The following NLRC4 variants were observed in gnomAD, a reference collection of about 807,000 sequenced individuals.
NLRC4 encodes NLR family CARD domain-containing protein 4.
Under a neutral mutation model 79.9 loss-of-function variants are expected in NLRC4, and 63 were observed. The ratio of observed to expected loss-of-function variants is 0.79; its 90% CI spans 0.64 to 0.97. NLRC4 has a LOEUF of 0.97. Ranked by LOEUF, NLRC4 falls within the 50% of genes least tolerant of loss-of-function variation. The probability of loss-of-function intolerance (pLI) is 0.00; values close to 1 mark genes in which losing one functional copy is unlikely to be tolerated. For synonymous variants in NLRC4, 461 were observed against 456.5 expected (o/e 1.01, Z -0.12); for missense variants, 1,074 against 1,215.2 (o/e 0.88, Z 1.73).
In NLRC4 at chr2:32,251,604, A is replaced by G. The variant is rs751489263; in HGVS notation, c.263-3T>C. ...TTCTGATGTCTGATGAAAAAGACCT[A>G]TTAGAGAAGAGGTGATGTTAAAGAA... is the stretch of plus-strand genomic sequence containing the variant. On this transcript the variant is annotated splice_region_variant and splice_polypyrimidine_tract_variant and intron_variant, in intron 3 of 8. Coordinates refer to ENST00000402280, the MANE Select transcript of NLRC4 (RefSeq NM_001199138.2). The G allele has an allele frequency of 2.5e-6, 4 of 1,573,932 alleles. No individual in the cohort carries two copies. Among genetic ancestry groups the G allele is most frequent in the Admixed American group, 3.6e-5 (2 of 54,940 alleles).
intron 4 of NLRC4, among the ~76,000 whole-genome samples, chr2:32,246,330 T>C (rs192838830): frequency 1.1e-3 from 170 of 152,202 alleles, no homozygotes; most frequent in African/African-American, 3.9e-3. Context: ...GAGTAGATGG[T>C]GAGCTTCCTG....
intron 4 of NLRC4, among the ~76,000 whole-genome samples, chr2:32,241,539 G>A (rs537258477): frequency 4.0e-5 from 6 of 151,878 alleles, no homozygotes; most frequent in East Asian, 1.9e-4. Context: ...ACCACGCCCG[G>A]CTAATTTTTT....
At chr2:32,254,387 T>TCAA (rs1397792030) in intron 2 of NLRC4, among the ~76,000 whole-genome samples, 1 of 151,962 alleles carries the variant, frequency 6.6e-6, no homozygotes, top group Non-Finnish European at 1.5e-5. Flanking sequence ...GAGTATCACA[T>TCAA]CAAAACACTG....
At chr2:32,257,678 A>T (rs1449783303) in intron 1 of NLRC4, among the ~76,000 whole-genome samples, 1 of 149,966 alleles carries the variant, frequency 6.7e-6, no homozygotes, top group Non-Finnish European at 1.5e-5. Context: ...GGAGGTGGAG[A>T]TGAGGATGTA....
intron 4 of NLRC4, among the ~76,000 whole-genome samples, chr2:32,242,737 A>G (rs867746569): frequency 6.6e-6 from 1 of 152,216 alleles, no homozygotes; most frequent in South Asian, 2.1e-4. Context: ...TATGAAAACC[A>G]GAAAAAGACG....
At position 32,249,741 on chromosome 2, in the gene NLRC4, A is replaced by G. The variant is rs756174743; in HGVS notation, c.2123T>C (p.Leu708Pro). The change falls in exon 4 of 9, where the codon CTC (leucine) becomes CCC (proline). Residue 708 changes from leucine to proline, a missense_variant. Leu to Pro is a moderately conservative substitution (Grantham distance 98). Coordinates refer to ENST00000402280, the MANE Select transcript of NLRC4 (RefSeq NM_001199138.2). ...AGAATAAATGTTCTTACAGGTGCTG[A>G]GGACCAAACTGAGGCTTCCAGCCAC... is the stretch of plus-strand genomic sequence containing the variant. ...AGVAGSLSLV[L>P]STCKNIYSLM... 1 of 1,614,216 alleles carries G rather than the reference A, an allele frequency of 6.2e-7. No homozygotes were observed. The highest frequency in any genetic ancestry group is 8.5e-7 in the Non-Finnish European group (1 of 1,180,036).
rs1329489151 is a variant in NLRC4 at position 32,250,821 on chromosome 2, T to A, written c.1043A>T (p.Gln348Leu). The A allele has an allele frequency of 6.2e-7, 1 of 1,614,112 alleles. No individual in the cohort carries two copies. Among genetic ancestry groups the A allele is most frequent in the Non-Finnish European group, 8.5e-7 (1 of 1,180,042 alleles). Reference protein sequence around the residue: ...PLFVVITCAIQMGESEFHSHT... With the variant: ...PLFVVITCAILMGESEFHSHT... ...AGAGTGGAACTCACTTTCACCCATC[T>A]GGATTGCACAAGTGATGACCACAAA... The change falls in exon 4 of 9, where the codon CAG (glutamine) becomes CTG (leucine). Residue 348 changes from glutamine (Q) to leucine (L), a missense_variant. Physicochemically the swap from Gln to Leu is moderately radical, Grantham distance 113 (BLOSUM62 -2). Transcript: ENST00000402280. This position sits in a 1 kb window ranked among gnomAD's most constrained non-coding sequence, Gnocchi z 4.9.
chr2:32,236,586 T>C (rs1354633314), intron 6 of NLRC4, among the ~76,000 whole-genome samples: 1 of 152,204 alleles, frequency 6.6e-6, no homozygotes, highest in Non-Finnish European at 1.5e-5. Flanking sequence ...CCAGGTCACG[T>C]AGAACCTAAA....
At position 32,250,993 on chromosome 2, in the gene NLRC4, C is replaced by T. The variant is rs780335164; in HGVS notation, c.871G>A (p.Gly291Ser). 3.1e-5 allele frequency: 50 copies of T among 1,614,076 alleles called. No individual in the cohort carries two copies. Among genetic ancestry groups the T allele is most frequent in the Non-Finnish European group, 3.9e-5 (46 of 1,180,042 alleles). Reference sequence around the variant, plus strand: ...TCCCCCACCTCAGCAGTCAGGGCACCAAACTGCCGTATGTGCCTCAGGCAC... The same window carrying T: ...TCCCCCACCTCAGCAGTCAGGGCACTAAACTGCCGTATGTGCCTCAGGCAC... Reference protein sequence around the residue: ...TECLRHIRQFGALTAEVGDMT... With the variant: ...TECLRHIRQFSALTAEVGDMT... The change falls in exon 4 of 9, where the codon GGT becomes AGT. Residue 291 changes from glycine to serine, a missense_variant. Gly to Ser is a moderately conservative substitution (Grantham distance 56). Coordinates refer to ENST00000402280, the MANE Select transcript of NLRC4 (RefSeq NM_001199138.2). This position sits in a 1 kb window ranked among gnomAD's most constrained non-coding sequence, Gnocchi z 4.9.
At chr2:32,256,537 A>G (rs1030126464) in intron 2 of NLRC4, among the ~76,000 whole-genome samples, 1 of 152,216 alleles carries the variant, frequency 6.6e-6, no homozygotes, top group Non-Finnish European at 1.5e-5. Flanking sequence ...GATGAGAACT[A>G]ACAGTTTAAA....
At chr2:32,234,723 A>G (rs923685166) in intron 8 of NLRC4, among the ~76,000 whole-genome samples, 7 of 152,272 alleles carry the variant, frequency 4.6e-5, no homozygotes, top group Non-Finnish European at 8.8e-5. Flanking sequence ...TTAACTTGCC[A>G]ACCATGTGAG....
At chr2:32,230,263 T>A (rs925872113) in intron 8 of NLRC4, among the ~76,000 whole-genome samples, 1 of 152,150 alleles carries the variant, frequency 6.6e-6, no homozygotes, top group African/African-American at 2.4e-5. Flanking sequence ...GTGAAATAGT[T>A]TACATACAGT....
Position 32,250,974 on chromosome 2 carries a change from A to G in NLRC4, c.890T>C (p.Val297Ala). 1 of 1,613,712 alleles carries G rather than the reference A, an allele frequency of 6.2e-7. No individual in the cohort carries two copies. The change falls in exon 4 of 9, where the codon GTG (valine) becomes GCG (alanine). Residue 297 changes from valine (V) to alanine (A), a missense_variant. Val to Ala is a moderately conservative substitution (Grantham distance 64, BLOSUM62 0). Transcript: ENST00000402280. The surrounding 1 kb of genome is among the most constrained non-coding windows in gnomAD (Gnocchi z 4.9). Reference protein sequence around the residue: ...IRQFGALTAEVGDMTEDSAQA... With the variant: ...IRQFGALTAEAGDMTEDSAQA... ...GGCGCTGTCTTCTGTCATATCCCCC[A>G]CCTCAGCAGTCAGGGCACCAAACTG... is the stretch of plus-strand genomic sequence containing the variant.
chr2:32,243,985 C>G (rs1686870585), intron 4 of NLRC4, among the ~76,000 whole-genome samples: 1 of 152,224 alleles, frequency 6.6e-6, no homozygotes, highest in Middle Eastern at 3.4e-3. Context: ...CTAGGTGGCT[C>G]ACGCCTGTAA....
intron 5 of NLRC4, among the ~76,000 whole-genome samples, chr2:32,238,737 C>T (rs1304135403): frequency 6.6e-6 from 1 of 152,102 alleles, no homozygotes. Flanking sequence ...TGTCTACAGC[C>T]TCAAAAGCCT....
chr2:32,236,389 A>C, intron 6 of NLRC4, 50 bp from the exon 7 acceptor site: 1 of 1,177,786 alleles, frequency 8.5e-7, no homozygotes, highest in Non-Finnish European at 1.2e-6. Flanking sequence ...GTAAATATAA[A>C]TGTATTTTGA....
At chr2:32,261,988 G>A (rs1319547618) in intron 1 of NLRC4, among the ~76,000 whole-genome samples, 1 of 152,104 alleles carries the variant, frequency 6.6e-6, no homozygotes, top group African/African-American at 2.4e-5. Flanking sequence ...GGCTGAGGCA[G>A]GAGAATCACT....
chr2:32,248,042 G>C (rs1490352447), intron 4 of NLRC4, among the ~76,000 whole-genome samples: 1 of 152,050 alleles, frequency 6.6e-6, no homozygotes, highest in Non-Finnish European at 1.5e-5. Context: ...CAAGGGATGA[G>C]AAATAATCTG....
At chr2:32,239,617 C>G (rs572093751) in intron 5 of NLRC4, among the ~76,000 whole-genome samples, 1 of 152,148 alleles carries the variant, frequency 6.6e-6, no homozygotes, top group South Asian at 2.1e-4. Context: ...ACTGCCGAGG[C>G]TAGTGTCTAA....
Sources: gnomAD v4.1 joint callset for allele counts (sites outside exome capture counted in the v4.1 genomes callset) on GRCh38, gnomAD v4.1.1 for gene constraint, Gnocchi (gnomAD v3.1) non-coding constraint, MANE v1.5 for transcripts, NCBI Gene and HGNC (gene_info 2026-07-23, HGNC 2026-07-21) for gene names.